Variants in MATK observed in about 807,000 individuals in gnomAD.
MATK encodes the protein megakaryocyte-associated tyrosine-protein kinase.
Under a neutral mutation model 59.8 loss-of-function variants are expected in MATK, and 41 were observed. The ratio of observed to expected loss-of-function variants is 0.69; its 90% CI spans 0.53 to 0.89. The LOEUF (loss-of-function observed/expected upper bound fraction) is 0.89. Ranked by LOEUF, MATK falls within the 40% of genes least tolerant of loss-of-function variation. The pLI is 0.00. For missense variants in MATK, 593 were observed against 719.6 expected (o/e 0.82, Z 2.01); for synonymous variants, 308 against 306.1 (o/e 1.01, Z -0.06).
chr19:3,799,661 G>A (rs2037625640), intron 1 of MATK, among the ~76,000 whole-genome samples: 1 of 151,654 alleles, frequency 6.6e-6, no homozygotes, highest in African/African-American at 2.4e-5. Flanking sequence ...GCAACGCAGT[G>A]AAACCCCATC....
Position 3,778,551 on chromosome 19 carries a change from G to A in MATK, c.1242C>T (p.Leu414=). The A allele has an allele frequency of 6.2e-7, 1 of 1,613,894 alleles. No homozygotes were observed. Among genetic ancestry groups the A allele is most frequent in the Non-Finnish European group, 8.5e-7 (1 of 1,179,960 alleles). ...CCCGTCCATATGAGAAGACCTCCCA[G>A]AGCAGCACCCCAAAACTCCAGACAT... ...KSDVWSFGVL[L]WEVFSYGRAP... The change falls in exon 13 of 14, where the codon CTC becomes CTT. Residue 414 remains leucine, a synonymous_variant. Transcript: ENST00000310132.
chr19:3,780,480 T>C (rs1007001850), intron 8 of MATK, among the ~76,000 whole-genome samples: 3 of 151,822 alleles, frequency 2.0e-5, no homozygotes, highest in Non-Finnish European at 4.4e-5. Flanking sequence ...CAGGCTGGAG[T>C]GCAGTGGCGC....
At position 3,783,870 on chromosome 19, in the gene MATK, C is replaced by CACGATT; in HGVS notation, c.525_526insAATCGT (p.Asp175_Gly176insAsnArg). 6.2e-7 allele frequency: 1 copy of CACGATT among 1,613,144 alleles called. No individual in the cohort carries two copies. Among genetic ancestry groups the CACGATT allele is most frequent in the Non-Finnish European group, 8.5e-7 (1 of 1,179,862 alleles). ...ACGGCCTCATCGATTGTGAGGTGGC[C>CACGATT]GTCGCGGTGCAGCACGCGGTAGTGG... On this transcript the variant is annotated inframe_insertion, in exon 6 of 14. Transcript: ENST00000310132.
upstream of MATK, among the ~76,000 whole-genome samples, chr19:3,788,851 C>A (rs1012676023): frequency 5.9e-5 from 9 of 151,826 alleles, no homozygotes; most frequent in African/African-American, 2.2e-4. Context: ...GCCACCACAC[C>A]CAGCTAATTT....
chr19:3,798,575 C>T (rs970341254), intron 1 of MATK, among the ~76,000 whole-genome samples: 2 of 152,224 alleles, frequency 1.3e-5, no homozygotes, highest in Non-Finnish European at 1.5e-5. Context: ...TGCAATGGCA[C>T]AGTGTCAGTT....
rs1023012251 is a variant in MATK at position 3,781,519 on chromosome 19, A to G, written c.742+88T>C. 3 of 1,384,076 alleles carry G rather than the reference A, an allele frequency of 2.2e-6. No individual in the cohort carries two copies. In the African/African-American group the frequency reaches 4.3e-5, roughly 20 times the overall value. 85.7% of individuals were successfully genotyped at this position (1,384,076 alleles called of 1,614,324 possible). A position where few individuals can be genotyped will look rare whatever the true frequency, so the allele number is the denominator to read the frequency against. On this transcript the variant is annotated intron_variant, in intron 8 of 13. Coordinates refer to ENST00000310132, the MANE Select transcript of MATK (RefSeq NM_139355.3). ...CTGCACAACTAGTAGGTGGTTAAGTATGGGTTTGAATTCAGCTCTGTGACT... is the reference window on the plus strand; with the variant it reads ...CTGCACAACTAGTAGGTGGTTAAGTGTGGGTTTGAATTCAGCTCTGTGACT...
Position 3,785,242 on chromosome 19 carries a change from T to C in MATK, c.-107A>G, listed in dbSNP as rs1342170784. 6.3e-6 allele frequency: 10 copies of C among 1,577,774 alleles called. No individual in the cohort carries two copies. The highest frequency in any genetic ancestry group is 1.3e-5 in the African/African-American group (1 of 74,108). On this transcript the variant is annotated 5_prime_UTR_variant, in exon 2 of 14. Coordinates refer to ENST00000310132, the MANE Select transcript of MATK (RefSeq NM_139355.3). ...CAGGCCAGTCGGCTGGCACAGGAGG[T>C]AGGGAGCTGGGTGCCACTGGACCGA...
At chr19:3,799,288 A>G (rs1250085991) in intron 1 of MATK, among the ~76,000 whole-genome samples, 2 of 152,134 alleles carry the variant, frequency 1.3e-5, no homozygotes, top group African/African-American at 4.8e-5. Flanking sequence ...AGGCGGTAAC[A>G]TGAGCTGTCC....
At chr19:3,781,710 C>A (rs770998314) in intron 7 of MATK, 38 bp from the exon 8 acceptor site, 2 of 1,544,340 alleles carry the variant, frequency 1.3e-6, no homozygotes, top group Admixed American at 3.3e-5. Flanking sequence ...GTAATGGGCC[C>A]CCTAAATCCT....
chr19:3,781,233 G>T (rs753557435), intron 8 of MATK, among the ~76,000 whole-genome samples: 1 of 152,126 alleles, frequency 6.6e-6, no homozygotes, highest in East Asian at 1.9e-4. Context: ...CACAAAGCAG[G>T]AAATATTTAC....
intron 1 of MATK, among the ~76,000 whole-genome samples, chr19:3,799,998 T>C (rs1321327617): frequency 6.6e-6 from 1 of 151,130 alleles, no homozygotes; most frequent in Non-Finnish European, 1.5e-5. Context: ...AAAAATTAGC[T>C]GGGTGTGGTT....
Position 3,778,676 on chromosome 19 carries a change from G to A in MATK, c.1198-81C>T, listed in dbSNP as rs2037353972. The A allele has an allele frequency of 1.2e-5, 17 of 1,446,922 alleles. No homozygotes were observed. The South Asian group carries it at 1.2e-4, about 10-fold the overall frequency. The allele number at this position is 1,446,922 out of a possible 1,614,324, so 89.6% of individuals were successfully genotyped here. ...CCTGCTTCCTCCAGGAAGCCCTCCT[G>A]GGTTGACCCTCACTCTCTGGTCTTC... On this transcript the variant is annotated intron_variant, in intron 12 of 13. Coordinates refer to ENST00000310132, the MANE Select transcript of MATK (RefSeq NM_139355.3).
In MATK at chr19:3,778,151, T is replaced by C; in HGVS notation, c.*32A>G. The C allele has an allele frequency of 6.5e-7, 1 of 1,532,534 alleles. No individual in the cohort carries two copies. Among genetic ancestry groups the C allele is most frequent in the Middle Eastern group, 1.8e-4 (1 of 5,514 alleles). 94.9% of individuals were successfully genotyped at this position (1,532,534 alleles called of 1,614,324 possible). A position where few individuals can be genotyped will look rare whatever the true frequency, so the allele number is the denominator to read the frequency against. On this transcript the variant is annotated 3_prime_UTR_variant, in exon 14 of 14. Coordinates refer to ENST00000310132, the MANE Select transcript of MATK (RefSeq NM_139355.3). Reference sequence around the variant, plus strand: ...CACGCCGCACTCTCCACTCTCTCGGTCCTCTGGGGCCAAGGGCCCCACCGG... The same window carrying C: ...CACGCCGCACTCTCCACTCTCTCGGCCCTCTGGGGCCAAGGGCCCCACCGG...
chr19:3,786,750 A>C (rs2037490747), upstream of MATK, among the ~76,000 whole-genome samples: 1 of 151,144 alleles, frequency 6.6e-6, no homozygotes, highest in African/African-American at 2.4e-5. The surrounding 1 kb of genome is among the most constrained non-coding windows in gnomAD (Gnocchi z 4.1). Flanking sequence ...GGTGGTTGAC[A>C]AAAAAAAAGC....
rs1459169195 is a variant in MATK at position 3,786,337 on chromosome 19, G to A, written c.-320C>T. 4 of 984,000 alleles carry A rather than the reference G, an allele frequency of 4.1e-6. No individual in the cohort carries two copies. The highest frequency in any genetic ancestry group is 4.8e-6 in the Non-Finnish European group (4 of 829,496). 61.0% of individuals were successfully genotyped at this position (984,000 alleles called of 1,614,324 possible). ...CGGGGAGTGGGGGAAAGCGGGAGGC[G>A]CCGCGGCCTGGGAGGCCCCCGCGGG... On this transcript the variant is annotated 5_prime_UTR_variant, in exon 1 of 14. Transcript: ENST00000310132. The surrounding 1 kb of genome is among the most constrained non-coding windows in gnomAD (Gnocchi z 4.1).
chr19:3,789,721 C>CTTTTTTT (rs34795629), upstream of MATK, among the ~76,000 whole-genome samples: 1 of 86,510 alleles, frequency 1.2e-5, no homozygotes, highest in African/African-American at 4.6e-5. Context: ...GGCAACTTTG[C>CTTTTTTT]TTTTTTTTTT....
intron 12 of MATK, 60 bp downstream of exon 12, chr19:3,778,932 G>T: frequency 1.4e-6 from 2 of 1,466,126 alleles, no homozygotes; most frequent in South Asian, 1.4e-5. Context: ...CATACCCAGG[G>T]TCATACAGCA....
intron 8 of MATK, 59 bp downstream of exon 8, chr19:3,781,548 A>C: frequency 6.4e-7 from 1 of 1,571,596 alleles, no homozygotes; most frequent in Non-Finnish European, 8.8e-7. Context: ...TGTGACTCCA[A>C]AGCCTCAATA....
Position 3,784,006 on chromosome 19 carries a change from C to T in MATK, c.390G>A (p.Gln130=). The T allele has an allele frequency of 6.2e-7, 1 of 1,609,154 alleles. No individual in the cohort carries two copies. Among genetic ancestry groups the T allele is most frequent in the Non-Finnish European group, 8.5e-7 (1 of 1,177,642 alleles). ...GAGGCTGCAGCTGCTGGACAGCCTC[C>T]TGGCCCGAGATCTTCCCGTGGAACC... ...MPWFHGKISG[Q]EAVQQLQPPE... Residue 130 remains glutamine, a synonymous_variant, in exon 6 of 14, where the codon CAG becomes CAA. Coordinates refer to ENST00000310132, the MANE Select transcript of MATK (RefSeq NM_139355.3).
Sources: gnomAD v4.1 joint callset for allele counts (sites outside exome capture counted in the v4.1 genomes callset) on GRCh38, gnomAD v4.1.1 for gene constraint, Gnocchi (gnomAD v3.1) non-coding constraint, MANE v1.5 for transcripts, NCBI Gene and HGNC (gene_info 2026-07-23, HGNC 2026-07-21) for gene names.